CTBP2: variants seen among roughly 807,000 people sequenced by gnomAD.
CTBP2 encodes the protein C-terminal binding protein 2.
CTBP2 carries 30 observed loss-of-function variants against 80.3 expected under a neutral mutation model. The observed-to-expected ratio is 0.37, with a 90% CI of 0.28 to 0.51. CTBP2 has a LOEUF of 0.51. Among genes scored for constraint, CTBP2 ranks in the 20% least tolerant of loss-of-function variants. The probability of loss-of-function intolerance (pLI) is 0.93; values close to 1 mark genes in which losing one functional copy is unlikely to be tolerated. For synonymous variants in CTBP2, 594 were observed against 587.4 expected, an observed-to-expected ratio of 1.01 and a Z score of -0.16; for missense variants, 1,212 against 1,375.3, an observed-to-expected ratio of 0.88 and a Z score of 1.88.
intron 1 of CTBP2, among the ~76,000 whole-genome samples, chr10:125,152,342 G>A (rs2133428874): frequency 6.6e-6 from 1 of 152,324 alleles, no homozygotes; most frequent in Non-Finnish European, 1.5e-5. Flanking sequence ...CAGGTAGAGC[G>A]CGGCCAGGTG....
intron 8 of CTBP2, among the ~76,000 whole-genome samples, chr10:124,991,165 G>A (rs1006729367): frequency 6.6e-6 from 1 of 152,226 alleles, no homozygotes; most frequent in African/African-American, 2.4e-5. Flanking sequence ...AGAACACAGG[G>A]TCCTCGGGCA....
intron 2 of CTBP2, among the ~76,000 whole-genome samples, chr10:125,044,518 G>A (rs760078505): frequency 1.3e-5 from 2 of 152,254 alleles, no homozygotes; most frequent in Non-Finnish European, 2.9e-5. Flanking sequence ...TTGTGCAACA[G>A]ATGTCTTTCT....
chr10:125,107,292 T>C (rs1243991766), intron 2 of CTBP2, among the ~76,000 whole-genome samples: 2 of 152,188 alleles, frequency 1.3e-5, no homozygotes, highest in South Asian at 2.1e-4. Context: ...GTTTCGGATG[T>C]TGGCAGTCTT....
chr10:125,072,847 A>T (rs1845718689), intron 2 of CTBP2, among the ~76,000 whole-genome samples: 1 of 152,132 alleles, frequency 6.6e-6, no homozygotes, highest in Non-Finnish European at 1.5e-5. Context: ...AGCTAGTCTC[A>T]GATATTCAGT....
At chr10:125,047,133 T>C (rs1368465498) in intron 2 of CTBP2, among the ~76,000 whole-genome samples, 2 of 152,106 alleles carry the variant, frequency 1.3e-5, no homozygotes, top group African/African-American at 4.8e-5. Context: ...GTATATTAGT[T>C]TTAATAGTGT....
intron 2 of CTBP2, among the ~76,000 whole-genome samples, chr10:125,043,872 T>C (rs569811697): frequency 6.6e-6 from 1 of 152,368 alleles, no homozygotes; most frequent in South Asian, 2.1e-4. Flanking sequence ...TTAAACATGA[T>C]GATGGCTTTC....
chr10:125,126,840 A>ACT (rs1315105660), intron 1 of CTBP2, among the ~76,000 whole-genome samples: 1 of 152,012 alleles, frequency 6.6e-6, no homozygotes, highest in Non-Finnish European at 1.5e-5. Flanking sequence ...AGCTGCGTGC[A>ACT]CTTCTGATGG....
At chr10:125,153,367 C>T (rs1237587698) in intron 1 of CTBP2, among the ~76,000 whole-genome samples, 4 of 152,240 alleles carry the variant, frequency 2.6e-5, no homozygotes, top group Non-Finnish European at 5.9e-5. Flanking sequence ...TGCCCCCACC[C>T]GTTCCCTTGG....
chr10:124,987,933 T>A lies in CTBP2; in HGVS notation c.*1585A>T, dbSNP rs974576744. 5.9e-5 allele frequency: 9 copies of A among 152,198 alleles called. No homozygotes were observed. The highest frequency in any genetic ancestry group is 5.2e-4 in the Admixed American group (8 of 15,278). 9.4% of individuals were successfully genotyped at this position (152,198 alleles called of 1,614,324 possible). ...AACTCATGGGACTATTTGCAACACT[T>A]CTTTGTAAATATCATTTTGTTTGTT... On this transcript the variant is annotated 3_prime_UTR_variant, in exon 9 of 9. Transcript: ENST00000309035.
Position 125,026,755 on chromosome 10 carries a change from G to A in CTBP2, c.1005C>T (p.Asn335=), listed in dbSNP as rs1367913705. The change falls in exon 1 of 9, where the codon AAC becomes AAT. Residue 335 remains asparagine (N), a synonymous_variant. Coordinates refer to ENST00000309035, the MANE Select transcript of CTBP2 (RefSeq NM_022802.3). The stretch of plus-strand genomic sequence containing the variant: ...GGCTCAGAACACGGGCCTGGCCCAG[G>A]TTGGGTGCGACAGACTTGATATCCG... The A allele has an allele frequency of 6.2e-6, 10 of 1,612,956 alleles. No individual in the cohort carries two copies. The highest frequency in any genetic ancestry group is 2.2e-5 in the East Asian group (1 of 44,892).
intron 1 of CTBP2, among the ~76,000 whole-genome samples, chr10:125,159,159 G>A (rs1415608054): frequency 1.3e-5 from 2 of 150,686 alleles, no homozygotes; most frequent in Non-Finnish European, 3.0e-5. Context: ...GTCCGGCGCC[G>A]CGGAGGGCTG....
chr10:125,156,903 C>T (rs1445950640), intron 1 of CTBP2, among the ~76,000 whole-genome samples: 1 of 152,176 alleles, frequency 6.6e-6, no homozygotes, highest in Non-Finnish European at 1.5e-5. Context: ...AATAATTATA[C>T]AGATAGCAAG....
chr10:125,067,671 T>C (rs1301711003), intron 2 of CTBP2, among the ~76,000 whole-genome samples: 1 of 152,218 alleles, frequency 6.6e-6, no homozygotes, highest in Non-Finnish European at 1.5e-5. Context: ...AGGAAAATAT[T>C]AATGGCACGC....
intron 1 of CTBP2, among the ~76,000 whole-genome samples, chr10:125,134,843 C>A (rs1486535272): frequency 6.6e-6 from 1 of 151,964 alleles, no homozygotes; most frequent in Non-Finnish European, 1.5e-5. Flanking sequence ...GCATAGCCCT[C>A]CCCACTCCAC....
intron 2 of CTBP2, among the ~76,000 whole-genome samples, chr10:125,045,964 G>C (rs1313702978): frequency 6.6e-6 from 1 of 152,004 alleles, no homozygotes; most frequent in African/African-American, 2.4e-5. Context: ...TAATTCCCTA[G>C]GGCTGATGCA....
At chr10:125,062,477 G>A (rs1364814483) in intron 2 of CTBP2, among the ~76,000 whole-genome samples, 1 of 151,688 alleles carries the variant, frequency 6.6e-6, no homozygotes, top group Admixed American at 6.6e-5. Flanking sequence ...GCTGCGGGGA[G>A]GTTCTGGGAC....
At position 125,068,607 on chromosome 10, in the gene CTBP2, G is replaced by T. The variant is rs764684761; in HGVS notation, c.-101-29452C>A. Among the ~76,000 whole-genome samples, 115 of 152,304 alleles carry T rather than the reference G, an allele frequency of 7.6e-4. 2 individuals are homozygous for T. The highest frequency in any genetic ancestry group is 3.7e-4 in the Non-Finnish European group (25 of 68,020). The stretch of plus-strand genomic sequence containing the variant: ...TCTCTATACCACACCACAGATGCTG[G>T]CTGTCCCGGAACAAGATGGCCAGGG... On this transcript the variant is annotated intron_variant, in intron 2 of 10. Coordinates refer to the CTBP2 transcript ENST00000337195.
intron 1 of CTBP2, among the ~76,000 whole-genome samples, chr10:125,136,917 C>T (rs980337418): frequency 1.3e-5 from 2 of 152,140 alleles, no homozygotes; most frequent in Non-Finnish European, 2.9e-5. Context: ...GAGCCGGGAG[C>T]GATTTCAAAT....
At chr10:125,119,725 G>C (rs1158764663) in intron 1 of CTBP2, among the ~76,000 whole-genome samples, 1 of 152,204 alleles carries the variant, frequency 6.6e-6, no homozygotes, top group African/African-American at 2.4e-5. Flanking sequence ...TTTACAATGT[G>C]TAACATAACT....
Sources: gnomAD v4.1 joint callset for allele counts (sites outside exome capture counted in the v4.1 genomes callset) on GRCh38, gnomAD v4.1.1 for gene constraint, MANE v1.5 for transcripts, NCBI Gene and HGNC (gene_info 2026-07-23, HGNC 2026-07-21) for gene names.